MCC: variants seen among roughly 807,000 people sequenced by gnomAD.
MCC encodes MCC regulator of Wnt signaling pathway, also known as colorectal mutant cancer protein.
MCC carries 90 observed loss-of-function variants against 116.2 expected under a neutral mutation model. The ratio of observed to expected loss-of-function variants is 0.77; its 90% CI spans 0.65 to 0.92. The LOEUF (loss-of-function observed/expected upper bound fraction) is 0.92. Ranked by LOEUF, MCC falls within the 40% of genes least tolerant of loss-of-function variation. The probability of loss-of-function intolerance (pLI) is 0.00; values close to 1 mark genes in which losing one functional copy is unlikely to be tolerated. For missense variants in MCC, 1,516 were observed against 1,312.2 expected (o/e 1.16, Z -2.40); for synonymous variants, 578 against 510.5 (o/e 1.13, Z -1.78).
chr5:113,262,729 CAG>C (rs1765260864), intron 3 of MCC, among the ~76,000 whole-genome samples: 1 of 152,128 alleles, frequency 6.6e-6, no homozygotes, highest in Non-Finnish European at 1.5e-5. Flanking sequence ...TGTTGAGCAT[CAG>C]AGTCATCTGG....
At chr5:113,429,737 T>C (rs893406640) in intron 1 of MCC, among the ~76,000 whole-genome samples, 1 of 152,126 alleles carries the variant, frequency 6.6e-6, no homozygotes, top group Non-Finnish European at 1.5e-5. Flanking sequence ...TGGCCTAAAG[T>C]CTATCCAGAG....
chr5:113,060,850 T>G (rs968114336), intron 14 of MCC, among the ~76,000 whole-genome samples: 6 of 152,174 alleles, frequency 3.9e-5, no homozygotes, highest in African/African-American at 1.4e-4. Flanking sequence ...CTCAAGGACT[T>G]TGGATAGACT....
intron 1 of MCC, among the ~76,000 whole-genome samples, chr5:113,479,865 T>C (rs959380117): frequency 6.6e-5 from 10 of 152,250 alleles, no homozygotes; most frequent in African/African-American, 1.9e-4. Flanking sequence ...GCTTTGGTTA[T>C]GCTGCCATTT....
At chr5:113,056,547 G>C (rs1216509484) in intron 14 of MCC, among the ~76,000 whole-genome samples, 4 of 152,080 alleles carry the variant, frequency 2.6e-5, no homozygotes, top group South Asian at 2.1e-4. Flanking sequence ...CACAAAGAGG[G>C]GAACAACAAA....
chr5:113,156,398 A>G (rs1318136405), intron 3 of MCC, among the ~76,000 whole-genome samples: 2 of 152,222 alleles, frequency 1.3e-5, no homozygotes, highest in East Asian at 3.9e-4. Context: ...GAACCAGGTA[A>G]GCACTCAACA....
intron 16 of MCC, among the ~76,000 whole-genome samples, chr5:113,046,007 C>T (rs1180027284): frequency 1.3e-5 from 2 of 152,032 alleles, no homozygotes; most frequent in African/African-American, 4.8e-5. Flanking sequence ...CTCGCCTCAT[C>T]CAGCAACAGC....
intron 16 of MCC, 146 bp downstream of exon 16, chr5:113,048,947 C>T: frequency 8.3e-6 from 6 of 720,928 alleles, no homozygotes; most frequent in Non-Finnish European, 1.4e-5. Flanking sequence ...AAAATGTCAC[C>T]TTCTTAGATA....
intron 3 of MCC, among the ~76,000 whole-genome samples, chr5:113,267,401 C>T (rs557854839): frequency 6.6e-5 from 10 of 152,262 alleles, no homozygotes; most frequent in East Asian, 1.9e-4. Context: ...AAAACCTTCA[C>T]GTTTATATAA....
chr5:113,392,952 T>A (rs561470786), intron 1 of MCC, among the ~76,000 whole-genome samples: 18 of 152,242 alleles, frequency 1.2e-4, no homozygotes, highest in Admixed American at 6.5e-4. Context: ...TGTATCATCA[T>A]AAAAAATCTC....
At chr5:113,363,054 C>T (rs1234807713) in intron 2 of MCC, among the ~76,000 whole-genome samples, 1 of 151,822 alleles carries the variant, frequency 6.6e-6, no homozygotes. Flanking sequence ...CAGAGGCGGG[C>T]GGATCACAAG....
intron 3 of MCC, among the ~76,000 whole-genome samples, chr5:113,283,838 A>G (rs1766145776): frequency 6.6e-6 from 1 of 152,226 alleles, no homozygotes; most frequent in Admixed American, 6.5e-5. Flanking sequence ...TGTTTGATCC[A>G]CTTACATGTG....
At chr5:113,404,889 T>C (rs1486479454) in intron 1 of MCC, among the ~76,000 whole-genome samples, 1 of 152,034 alleles carries the variant, frequency 6.6e-6, no homozygotes, top group Non-Finnish European at 1.5e-5. Context: ...AAAATATGTA[T>C]CTGCAGGACT....
rs201351862 is a variant in MCC at position 113,134,611 on chromosome 5, TC to T, written c.884+8606del. Among the ~76,000 whole-genome samples the T allele has an allele frequency of 6.9e-3, 1,014 of 146,054 alleles. 36 individuals carry two copies. Among genetic ancestry groups the T allele is most frequent in the Admixed American group, 0.04 (561 of 14,008 alleles). On this transcript the variant is annotated intron_variant, in intron 5 of 18. Coordinates refer to ENST00000408903, the MANE Select transcript of MCC (RefSeq NM_001085377.2). ...TATAAACATTGTAGGATTTTTTTTT[TC>T]TTCTATTTCTGTGAAGCATGACATT...
chr5:113,459,711 C>T (rs370317476), intron 1 of MCC, among the ~76,000 whole-genome samples: 17 of 152,182 alleles, frequency 1.1e-4, no homozygotes, highest in African/African-American at 3.1e-4. Flanking sequence ...CCCATTCTAC[C>T]TTTAGCTCTC....
At chr5:113,132,586 A>G (rs1028081984) in intron 5 of MCC, among the ~76,000 whole-genome samples, 3 of 152,036 alleles carry the variant, frequency 2.0e-5, no homozygotes, top group South Asian at 2.1e-4. Flanking sequence ...TGGGAAATCC[A>G]TATTTTATTT....
intron 1 of MCC, among the ~76,000 whole-genome samples, chr5:113,411,076 T>C (rs1727079569): frequency 1.3e-5 from 2 of 152,198 alleles, no homozygotes; most frequent in African/African-American, 4.8e-5. Context: ...TACATGTGCA[T>C]GTGTCTTCAT....
At chr5:113,043,356 T>C (rs1352216848) in intron 17 of MCC, among the ~76,000 whole-genome samples, 174 bp downstream of exon 17, 2 of 152,192 alleles carry the variant, frequency 1.3e-5, no homozygotes, top group East Asian at 3.9e-4. Context: ...TGCTCTCTCT[T>C]CTCACTGTTT....
intron 3 of MCC, among the ~76,000 whole-genome samples, chr5:113,312,807 A>C (rs1344203071): frequency 6.6e-6 from 1 of 152,254 alleles, no homozygotes; most frequent in Non-Finnish European, 1.5e-5. Flanking sequence ...TAGTCCTGAA[A>C]AAAATATTTA....
At chr5:113,415,469 T>C (rs1421157924) in intron 1 of MCC, among the ~76,000 whole-genome samples, 1 of 152,240 alleles carries the variant, frequency 6.6e-6, no homozygotes, top group Non-Finnish European at 1.5e-5. Context: ...TTCGTTTCTT[T>C]TTATGCTTTT....
Sources: gnomAD v4.1 joint callset for allele counts (sites outside exome capture counted in the v4.1 genomes callset) on GRCh38, gnomAD v4.1.1 for gene constraint, MANE v1.5 for transcripts, NCBI Gene and HGNC (gene_info 2026-07-23, HGNC 2026-07-21) for gene names.